Variants in LRRC7 observed in about 807,000 individuals in gnomAD.
The protein encoded by LRRC7 is leucine-rich repeat-containing protein 7.
In LRRC7, 23 loss-of-function variants were observed where a neutral mutation model predicts 175.7. That is an observed-to-expected ratio of 0.13 (90% confidence interval 0.09 to 0.19). The LOEUF (loss-of-function observed/expected upper bound fraction) is 0.19. LRRC7 is among the 10% of genes least tolerant of loss of function. LRRC7 has a pLI of 1.00. For missense variants in LRRC7, 1,354 were observed against 1,904.7 expected (o/e 0.71, Z 5.38); for synonymous variants, 685 against 680.9 (o/e 1.01, Z -0.09).
At chr1:70,098,593 AAG>A (rs957642419) in intron 25 of LRRC7, among the ~76,000 whole-genome samples, 3 of 152,030 alleles carry the variant, frequency 2.0e-5, no homozygotes, top group African/African-American at 7.2e-5. Context: ...TAAAGAAAAA[AAG>A]AGAGAAGAAT....
intron 23 of LRRC7, among the ~76,000 whole-genome samples, chr1:70,062,884 G>A (rs892813353): frequency 6.6e-6 from 1 of 151,748 alleles, no homozygotes; most frequent in Admixed American, 6.6e-5. Flanking sequence ...AGAAATAATG[G>A]GGATAGGAGG....
intron 8 of LRRC7, among the ~76,000 whole-genome samples, chr1:69,957,629 T>C (rs193159985): frequency 1.3e-5 from 2 of 152,018 alleles, no homozygotes; most frequent in East Asian, 3.9e-4. Context: ...GAAATCATGC[T>C]GAACAGAAGT....
intron 2 of LRRC7, among the ~76,000 whole-genome samples, chr1:69,759,562 G>C (rs1362562368): frequency 6.6e-6 from 1 of 151,986 alleles, no homozygotes; most frequent in Non-Finnish European, 1.5e-5. Flanking sequence ...CCATTTGGAA[G>C]TGAATAACCA....
chr1:69,646,917 GC>G (rs1476887402), intron 1 of LRRC7, among the ~76,000 whole-genome samples: 2 of 152,048 alleles, frequency 1.3e-5, no homozygotes, highest in African/African-American at 2.4e-5. Context: ...CATGGGAGCT[GC>G]TTTTAGAGGC....
intron 8 of LRRC7, among the ~76,000 whole-genome samples, chr1:69,956,752 A>G (rs992801142): frequency 2.6e-5 from 4 of 151,772 alleles, no homozygotes; most frequent in Admixed American, 1.3e-4. Context: ...TAACTGTAAT[A>G]TATTTAAGAA....
At chr1:69,974,469 A>G (rs1043500140) in intron 8 of LRRC7, among the ~76,000 whole-genome samples, 1 of 152,218 alleles carries the variant, frequency 6.6e-6, no homozygotes, top group African/African-American at 2.4e-5. Context: ...TGCTCATCTT[A>G]TAGCACTTTC....
chr1:69,703,690 T>C (rs1663665646), intron 2 of LRRC7, among the ~76,000 whole-genome samples: 1 of 152,010 alleles, frequency 6.6e-6, no homozygotes, highest in African/African-American at 2.4e-5. Flanking sequence ...TTCAAACTCA[T>C]AAGTTGTTTA....
At chr1:69,829,045 ACAT>A (rs1680247626) in intron 5 of LRRC7, among the ~76,000 whole-genome samples, 1 of 151,988 alleles carries the variant, frequency 6.6e-6, no homozygotes. Context: ...GTTTATTGAA[ACAT>A]CAAAATAAAA....
chr1:69,676,893 A>G (rs533005429), intron 1 of LRRC7, among the ~76,000 whole-genome samples: 9 of 152,114 alleles, frequency 5.9e-5, no homozygotes, highest in African/African-American at 2.2e-4. Flanking sequence ...GATAGTGAAC[A>G]TTGTACTCAA....
At chr1:69,930,231 C>A (rs1211270408) in intron 7 of LRRC7, among the ~76,000 whole-genome samples, 1 of 152,030 alleles carries the variant, frequency 6.6e-6, no homozygotes, top group Admixed American at 6.6e-5. Flanking sequence ...CTCTGCCATA[C>A]CCCAGATCAG....
intron 2 of LRRC7, among the ~76,000 whole-genome samples, chr1:69,740,855 G>A (rs1668632819): frequency 6.6e-6 from 1 of 151,926 alleles, no homozygotes; most frequent in Non-Finnish European, 1.5e-5. Flanking sequence ...TGGGAGTTAG[G>A]CTTCAACATA....
intron 1 of LRRC7, among the ~76,000 whole-genome samples, chr1:69,575,935 G>GT (rs1344827618): frequency 1.3e-5 from 2 of 152,122 alleles, no homozygotes; most frequent in Admixed American, 6.6e-5. Context: ...TTTCTGAGAA[G>GT]TTTTTTGCAT....
At chr1:69,730,455 A>G (rs899323164) in intron 2 of LRRC7, among the ~76,000 whole-genome samples, 1 of 152,164 alleles carries the variant, frequency 6.6e-6, no homozygotes, top group Non-Finnish European at 1.5e-5. Flanking sequence ...TCTCAAGGGC[A>G]GGGACAAAAT....
chr1:70,013,037 G>T lies in LRRC7; in HGVS notation c.1198G>T (p.Glu400Ter). Residue 400 changes from glutamate to a stop codon, truncating the protein, a stop_gained, in exon 13 of 27, where the codon GAA becomes TAA. Coordinates refer to ENST00000651989, the MANE Select transcript of LRRC7 (RefSeq NM_001370785.2). LOFTEE classifies it high-confidence loss of function. ...CTCCAACAAATTAGAATTTCTTCCT[G>T]AAGAGATTGGACAGATGCAGAAACT... ...LRSNKLEFLPEEIGQMQKLRV... is the reference protein window; with the variant it reads ...LRSNKLEFLP The T allele has an allele frequency of 6.3e-7, 1 of 1,585,842 alleles. No homozygotes were observed. The highest frequency in any genetic ancestry group is 8.6e-7 in the Non-Finnish European group (1 of 1,165,114).
intron 3 of LRRC7, among the ~76,000 whole-genome samples, chr1:69,791,012 A>C (rs142566837): frequency 4.2e-4 from 64 of 152,178 alleles, no homozygotes; most frequent in African/African-American, 1.3e-3. Context: ...AACGAATTAC[A>C]TGGGAGAACA....
chr1:69,917,397 C>T (rs7512258), intron 7 of LRRC7, among the ~76,000 whole-genome samples: 1 of 151,830 alleles, frequency 6.6e-6, no homozygotes, highest in Non-Finnish European at 1.5e-5. Context: ...ATGAAGAAGG[C>T]GTAGAGCCAA....
chr1:70,063,133 T>C (rs771405196), intron 23 of LRRC7, among the ~76,000 whole-genome samples: 39 of 152,092 alleles, frequency 2.6e-4, no homozygotes, highest in Non-Finnish European at 1.8e-4. Context: ...TCACTCTAAA[T>C]TATTTCCTTA....
chr1:69,917,397 C>A (rs7512258), intron 7 of LRRC7, among the ~76,000 whole-genome samples: 62,457 of 151,884 alleles, frequency 0.41, 13,619 homozygotes, highest in East Asian at 0.55. Flanking sequence ...ATGAAGAAGG[C>A]GTAGAGCCAA....
intron 7 of LRRC7, among the ~76,000 whole-genome samples, chr1:69,908,053 G>T (rs887619278): frequency 1.1e-4 from 17 of 152,276 alleles, no homozygotes; most frequent in South Asian, 4.1e-4. Context: ...TTGCATGGAG[G>T]TGTTTGTAGT....
Sources: gnomAD v4.1 joint callset for allele counts (sites outside exome capture counted in the v4.1 genomes callset) on GRCh38, gnomAD v4.1.1 for gene constraint, MANE v1.5 for transcripts, NCBI Gene and HGNC (gene_info 2026-07-23, HGNC 2026-07-21) for gene names.